LRBA: variants seen among roughly 807,000 people sequenced by gnomAD.
LRBA encodes the protein LPS responsive beige-like anchor protein.
In LRBA, 176 loss-of-function variants were observed where a neutral mutation model predicts 330.0. The observed-to-expected ratio is 0.53, with a 90% confidence interval of 0.47 to 0.60. The LOEUF (loss-of-function observed/expected upper bound fraction) is 0.60, where lower values mean the gene tolerates loss of function less well. Among genes scored for constraint, LRBA ranks in the 20% least tolerant of loss-of-function variants. The pLI, the probability that LRBA is intolerant of heterozygous loss-of-function variation, is 0.00. For missense variants in LRBA, 3,259 were observed against 3,444.8 expected (o/e 0.95, Z 1.35); for synonymous variants, 1,230 against 1,193.0 (o/e 1.03, Z -0.64).
chr4:150,293,593 T>G (rs1053294818), intron 53 of LRBA, among the ~76,000 whole-genome samples: 1 of 152,226 alleles, frequency 6.6e-6, no homozygotes, highest in Non-Finnish European at 1.5e-5. Flanking sequence ...GAAGTATTAA[T>G]GCAAGACAAG....
At chr4:150,300,226 C>T (rs1344679911) in intron 53 of LRBA, among the ~76,000 whole-genome samples, 4 of 151,940 alleles carry the variant, frequency 2.6e-5, no homozygotes, top group South Asian at 2.1e-4. Flanking sequence ...AAAATTAAAT[C>T]GGGGCATCAG....
chr4:151,009,752 G>A (rs955463651), intron 2 of LRBA, among the ~76,000 whole-genome samples: 9 of 151,956 alleles, frequency 5.9e-5, no homozygotes, highest in Admixed American at 5.3e-4. Flanking sequence ...AGGCCAGGGC[G>A]GGTGGATCAC....
chr4:150,484,054 G>T (rs1339973997), intron 42 of LRBA, among the ~76,000 whole-genome samples: 1 of 151,546 alleles, frequency 6.6e-6, no homozygotes, highest in Non-Finnish European at 1.5e-5. Context: ...AGATTCCCTG[G>T]GACTTTCCAC....
chr4:150,578,519 T>C (rs561506838), intron 40 of LRBA, among the ~76,000 whole-genome samples: 1 of 152,188 alleles, frequency 6.6e-6, no homozygotes, highest in Non-Finnish European at 1.5e-5. Flanking sequence ...TATTTAACCA[T>C]GATAAGTAAA....
chr4:150,896,840 T>G (rs1730136985), intron 15 of LRBA, among the ~76,000 whole-genome samples: 1 of 152,106 alleles, frequency 6.6e-6, no homozygotes, highest in Admixed American at 6.5e-5. Context: ...ATGAACAGTT[T>G]CTGAAATTAT....
At chr4:150,529,916 T>C (rs1344980446) in intron 40 of LRBA, among the ~76,000 whole-genome samples, 2 of 152,154 alleles carry the variant, frequency 1.3e-5, no homozygotes, top group East Asian at 3.9e-4. Flanking sequence ...CTTCTATCTA[T>C]TTCGCATTAT....
At chr4:150,835,596 G>A (rs1394395405) in intron 28 of LRBA, among the ~76,000 whole-genome samples, 1 of 151,048 alleles carries the variant, frequency 6.6e-6, no homozygotes, top group Non-Finnish European at 1.5e-5. Flanking sequence ...TCATGATTTG[G>A]CTGTTTGTCT....
At chr4:150,697,330 A>G (rs1231486261) in intron 36 of LRBA, among the ~76,000 whole-genome samples, 3 of 142,154 alleles carry the variant, frequency 2.1e-5, no homozygotes, top group African/African-American at 8.1e-5. Context: ...TCTCAGAAAA[A>G]AAAAAAAAAA....
At chr4:150,474,501 T>C (rs921586208) in intron 42 of LRBA, among the ~76,000 whole-genome samples, 1 of 152,136 alleles carries the variant, frequency 6.6e-6, no homozygotes, top group Non-Finnish European at 1.5e-5. Flanking sequence ...CTAGGTCCAT[T>C]GCATTTCAAC....
chr4:150,515,285 A>G (rs1288687528), intron 40 of LRBA, among the ~76,000 whole-genome samples: 1 of 152,186 alleles, frequency 6.6e-6, no homozygotes, highest in African/African-American at 2.4e-5. Context: ...TACTCCTTAT[A>G]TCAACAAATT....
At chr4:150,718,288 T>C (rs1728496590) in intron 36 of LRBA, among the ~76,000 whole-genome samples, 2 of 152,182 alleles carry the variant, frequency 1.3e-5, no homozygotes, top group Admixed American at 6.5e-5. Flanking sequence ...AATCCTCTGA[T>C]AATAAATGAA....
intron 53 of LRBA, among the ~76,000 whole-genome samples, chr4:150,289,424 G>A (rs1748570362): frequency 1.3e-5 from 2 of 152,140 alleles, no homozygotes; most frequent in South Asian, 4.2e-4. Context: ...CCGGAAGCAG[G>A]TTAGACAGTT....
intron 40 of LRBA, among the ~76,000 whole-genome samples, chr4:150,570,912 T>C (rs892493751): frequency 2.6e-5 from 4 of 152,164 alleles, no homozygotes; most frequent in Non-Finnish European, 4.4e-5. Flanking sequence ...GAGTGTCAAA[T>C]TGACTGTATT....
chr4:150,977,369 C>T (rs1271394102), intron 2 of LRBA, among the ~76,000 whole-genome samples: 3 of 152,118 alleles, frequency 2.0e-5, no homozygotes, highest in Non-Finnish European at 2.9e-5. Flanking sequence ...GGTCGTAGCT[C>T]GGGCAACATA....
At chr4:150,443,669 G>T (rs1752138448) in intron 44 of LRBA, among the ~76,000 whole-genome samples, 3 of 151,896 alleles carry the variant, frequency 2.0e-5, no homozygotes, top group Admixed American at 2.0e-4. Flanking sequence ...GACACAGGAA[G>T]GGGAACATCA....
chr4:150,854,969 G>C (rs972071016), intron 22 of LRBA, among the ~76,000 whole-genome samples: 2 of 152,050 alleles, frequency 1.3e-5, no homozygotes, highest in Non-Finnish European at 2.9e-5. Context: ...CTTTTTAAAA[G>C]ATCAGTGGCT....
At chr4:150,912,912 T>C (rs1444063750) in intron 9 of LRBA, among the ~76,000 whole-genome samples, 1 of 152,176 alleles carries the variant, frequency 6.6e-6, no homozygotes, top group Admixed American at 6.5e-5. Flanking sequence ...TACATTTTGA[T>C]TTCTCTCAAG....
chr4:150,533,232 G>A (rs934254080), intron 40 of LRBA, among the ~76,000 whole-genome samples: 1 of 152,082 alleles, frequency 6.6e-6, no homozygotes, highest in African/African-American at 2.4e-5. Flanking sequence ...CCAGGCTGCA[G>A]GGCAGTGGCA....
chr4:150,656,405 G>C (rs188781696), intron 37 of LRBA, among the ~76,000 whole-genome samples: 2 of 152,264 alleles, frequency 1.3e-5, no homozygotes, highest in East Asian at 3.9e-4. Flanking sequence ...TTGTGTTGTT[G>C]TGGGTTTTGT....
Sources: gnomAD v4.1 joint callset for allele counts (sites outside exome capture counted in the v4.1 genomes callset) on GRCh38, gnomAD v4.1.1 for gene constraint, MANE v1.5 for transcripts, NCBI Gene and HGNC (gene_info 2026-07-23, HGNC 2026-07-21) for gene names.